The following ENOX2 variants were observed in gnomAD, a reference collection of about 807,000 sequenced individuals.
The protein encoded by ENOX2 is ecto-NOX disulfide-thiol exchanger 2.
A neutral mutation model predicts 45.0 loss-of-function variants in ENOX2; 36 were observed. The ratio of observed to expected loss-of-function variants is 0.80; its 90% CI spans 0.61 to 1.06. The LOEUF is 1.06. ENOX2 is among the 50% of genes least tolerant of loss of function. The pLI is 0.00. For synonymous variants in ENOX2, 174 were observed against 152.3 expected (o/e 1.14, Z -1.05); for missense variants, 423 against 462.5 (o/e 0.91, Z 0.78).
At chrX:130,770,112 A>C (rs1254594576) in intron 3 of ENOX2, among the ~76,000 whole-genome samples, 1 of 111,309 alleles carries the variant, frequency 9.0e-6, no homozygotes, top group Non-Finnish European at 1.9e-5. Flanking sequence ...GAATGACCAG[A>C]ATTTATACCA....
chrX:130,748,400 G>A (rs2039142477), intron 3 of ENOX2, among the ~76,000 whole-genome samples: 1 of 112,019 alleles, frequency 8.9e-6, no homozygotes, highest in South Asian at 3.7e-4. Flanking sequence ...TGATGCTTAA[G>A]CCTGTGTTCT....
intron 2 of ENOX2, among the ~76,000 whole-genome samples, chrX:130,786,738 AT>A (rs1857685761): frequency 1.3e-5 from 1 of 76,307 alleles, no homozygotes; most frequent in African/African-American, 5.0e-5. Context: ...TGAACTCATC[AT>A]TTTTTATGGC....
chrX:130,778,864 C>A (rs987840094), intron 3 of ENOX2, among the ~76,000 whole-genome samples: 1 of 112,480 alleles, frequency 8.9e-6, no homozygotes, highest in African/African-American at 3.2e-5. Context: ...TCTGCCCACA[C>A]CTGGATGCTC....
chrX:130,871,848 T>C (rs1018994596), intron 2 of ENOX2, among the ~76,000 whole-genome samples: 12 of 111,723 alleles, frequency 1.1e-4, no homozygotes, highest in African/African-American at 2.9e-4. Flanking sequence ...AAGTAATTGA[T>C]GCTAAAATAT....
chrX:130,692,833 A>C (rs2037649354), intron 4 of ENOX2, among the ~76,000 whole-genome samples: 1 of 107,945 alleles, frequency 9.3e-6, no homozygotes, highest in South Asian at 4.2e-4. Context: ...CAAGTGATCC[A>C]CTTGCCTTGG....
At chrX:130,655,030 C>A (rs2036510658) in intron 10 of ENOX2, among the ~76,000 whole-genome samples, 1 of 112,069 alleles carries the variant, frequency 8.9e-6, no homozygotes, top group Non-Finnish European at 1.9e-5. Flanking sequence ...ATACTGTGTA[C>A]AATACTGTAG....
At chrX:130,709,651 A>AG (rs1556434898) in intron 3 of ENOX2, among the ~76,000 whole-genome samples, 1 of 108,778 alleles carries the variant, frequency 9.2e-6, no homozygotes, top group Non-Finnish European at 1.9e-5. Flanking sequence ...AAAAAAAAAA[A>AG]AAAAGAAAAG....
chrX:130,787,887 C>T (rs1482886453), intron 2 of ENOX2, among the ~76,000 whole-genome samples: 1 of 111,415 alleles, frequency 9.0e-6, no homozygotes, highest in African/African-American at 3.3e-5. Flanking sequence ...AGTAAGCTGA[C>T]TCGCTGAACA....
At chrX:130,896,296 G>A (rs1380242938) in intron 2 of ENOX2, among the ~76,000 whole-genome samples, 2 of 111,052 alleles carry the variant, frequency 1.8e-5, no homozygotes, top group Non-Finnish European at 3.8e-5. Context: ...AAACAGAGAA[G>A]CAGATCATTT....
At chrX:130,686,274 C>G (rs1341237715) in intron 5 of ENOX2, among the ~76,000 whole-genome samples, 2 of 110,895 alleles carry the variant, frequency 1.8e-5, no homozygotes, top group Non-Finnish European at 3.8e-5. Context: ...TAGCACCATC[C>G]TTTTGGTGCT....
chrX:130,728,942 A>G (rs1289741239), intron 3 of ENOX2, among the ~76,000 whole-genome samples: 1 of 111,674 alleles, frequency 9.0e-6, no homozygotes, highest in Non-Finnish European at 1.9e-5. Context: ...GGAGGAAAGA[A>G]CCTGTTAGAT....
intron 3 of ENOX2, among the ~76,000 whole-genome samples, chrX:130,764,811 G>C (rs763389952): frequency 1.8e-5 from 2 of 111,725 alleles, no homozygotes; most frequent in South Asian, 7.4e-4. Context: ...TACATCTATA[G>C]AGTAATTTCA....
intron 10 of ENOX2, among the ~76,000 whole-genome samples, chrX:130,643,079 T>A (rs2036131553): frequency 9.0e-6 from 1 of 111,408 alleles, no homozygotes; most frequent in African/African-American, 3.3e-5. Context: ...TTTGCTATTA[T>A]AAGATACTTG....
chrX:130,649,344 G>A (rs1238451856), intron 10 of ENOX2, among the ~76,000 whole-genome samples: 3 of 109,278 alleles, frequency 2.7e-5, no homozygotes, highest in Non-Finnish European at 5.7e-5. Flanking sequence ...CCACATTAGC[G>A]TGAAAACATT....
intron 10 of ENOX2, among the ~76,000 whole-genome samples, chrX:130,655,930 G>A (rs779420328): frequency 2.4e-4 from 27 of 112,043 alleles, no homozygotes; most frequent in Non-Finnish European, 4.3e-4. Flanking sequence ...GAGCCACAGC[G>A]CCTGGCTGTT....
At chrX:130,899,690 A>C (rs1435916931) in intron 2 of ENOX2, among the ~76,000 whole-genome samples, 1 of 112,097 alleles carries the variant, frequency 8.9e-6, no homozygotes, top group African/African-American at 3.2e-5. Flanking sequence ...TCATATTCCT[A>C]ATCAGTGCCT....
chrX:130,655,992 G>A (rs2036537636), intron 10 of ENOX2, among the ~76,000 whole-genome samples: 1 of 111,577 alleles, frequency 9.0e-6, no homozygotes, highest in Admixed American at 9.5e-5. Context: ...AGGCTCAGTG[G>A]GGAAGAAGTC....
chrX:130,763,715 A>C (rs1031918257), intron 3 of ENOX2, among the ~76,000 whole-genome samples: 1 of 110,879 alleles, frequency 9.0e-6, no homozygotes, highest in African/African-American at 3.3e-5. Context: ...TAAAAATAAA[A>C]TTTTAAAAAA....
At chrX:130,804,555 T>C (rs998851874) in intron 2 of ENOX2, among the ~76,000 whole-genome samples, 16 of 111,928 alleles carry the variant, frequency 1.4e-4, no homozygotes, top group Middle Eastern at 4.6e-3. Context: ...TTCCATCACA[T>C]TCACCTAAAA....
Sources: allele counts gnomAD v4.1 joint callset (sites outside exome capture counted in the v4.1 genomes callset), GRCh38; gene constraint gnomAD v4.1.1; transcripts MANE v1.5; gene names NCBI Gene and HGNC (gene_info 2026-07-23, HGNC 2026-07-21).